The following FGF12 variants were observed in gnomAD, a reference collection of about 807,000 sequenced individuals.
The protein encoded by FGF12 is fibroblast growth factor 12, also known as fibroblast growth factor 12B.
Under a neutral mutation model 23.6 loss-of-function variants are expected in FGF12, and 14 were observed. That is an observed-to-expected ratio of 0.59 (90% confidence interval 0.39 to 0.93). The LOEUF is 0.93. Among genes scored for constraint, FGF12 ranks in the 40% least tolerant of loss-of-function variants. The pLI is 0.00. For missense variants in FGF12, 175 were observed against 217.8 expected, an observed-to-expected ratio of 0.80 and a Z score of 1.24; for synonymous variants, 62 against 77.3, an observed-to-expected ratio of 0.80 and a Z score of 1.04.
At chr3:192,593,401 C>T (rs1329745521) in intron 2 of FGF12, among the ~76,000 whole-genome samples, 2 of 151,860 alleles carry the variant, frequency 1.3e-5, no homozygotes, top group African/African-American at 4.8e-5. Flanking sequence ...CCTCTTCTTC[C>T]CCACAGCACT....
intron 4 of FGF12, among the ~76,000 whole-genome samples, chr3:192,214,190 T>C (rs559284118): frequency 5.3e-4 from 80 of 152,370 alleles, no homozygotes; most frequent in African/African-American, 1.9e-3. Flanking sequence ...TAATTCATTT[T>C]TGTTTATTCT....
intron 2 of FGF12, among the ~76,000 whole-genome samples, chr3:192,485,538 T>G (rs1723609489): frequency 6.6e-6 from 1 of 152,176 alleles, no homozygotes; most frequent in Non-Finnish European, 1.5e-5. Context: ...AATTTATCTG[T>G]TCCCAATTCC....
chr3:192,621,304 C>A (rs1714966326), intron 2 of FGF12, among the ~76,000 whole-genome samples: 2 of 151,934 alleles, frequency 1.3e-5, no homozygotes, highest in African/African-American at 4.8e-5. Context: ...AATTTTTTCC[C>A]ATAGGTAGCA....
chr3:192,160,281 C>T (rs1714793069), intron 5 of FGF12, among the ~76,000 whole-genome samples: 1 of 152,070 alleles, frequency 6.6e-6, no homozygotes, highest in Non-Finnish European at 1.5e-5. Flanking sequence ...TGGTTACAAG[C>T]CCTCAATTTA....
chr3:192,176,428 C>T (rs1169805363), intron 4 of FGF12, among the ~76,000 whole-genome samples: 2 of 152,214 alleles, frequency 1.3e-5, no homozygotes, highest in South Asian at 2.1e-4. Flanking sequence ...ACATAATCCT[C>T]TTCAATGCTT....
chr3:192,217,222 G>C (rs1718236230), intron 4 of FGF12, among the ~76,000 whole-genome samples: 1 of 152,170 alleles, frequency 6.6e-6, no homozygotes, highest in South Asian at 2.1e-4. Context: ...CTTGTTTTGA[G>C]GATAAAACGA....
chr3:192,647,902 A>T (rs1716073725), intron 2 of FGF12, among the ~76,000 whole-genome samples: 2 of 152,008 alleles, frequency 1.3e-5, no homozygotes, highest in South Asian at 4.1e-4. Context: ...ATAGCAGATT[A>T]AAAATATTTA....
intron 2 of FGF12, among the ~76,000 whole-genome samples, chr3:192,620,541 C>G (rs899153356): frequency 6.6e-6 from 1 of 152,172 alleles, no homozygotes; most frequent in African/African-American, 2.4e-5. Flanking sequence ...ATGCCACCAA[C>G]CTGCTGCCCA....
intron 2 of FGF12, among the ~76,000 whole-genome samples, chr3:192,656,040 CAAA>C (rs11292484): frequency 0.094 from 10,037 of 106,564 alleles, 449 homozygotes; most frequent in South Asian, 0.21. Flanking sequence ...GAGGTTCAGG[CAAA>C]AAAAAAAAAA....
chr3:192,387,369 T>C (rs1232252728), intron 2 of FGF12, among the ~76,000 whole-genome samples: 1 of 152,164 alleles, frequency 6.6e-6, no homozygotes, highest in Non-Finnish European at 1.5e-5. Flanking sequence ...AGCCATCTAG[T>C]TATAGAATAG....
intron 2 of FGF12, among the ~76,000 whole-genome samples, chr3:192,670,496 T>C (rs937881430): frequency 6.6e-6 from 1 of 152,132 alleles, no homozygotes; most frequent in Admixed American, 6.6e-5. Flanking sequence ...ACAACAATAG[T>C]ATTTTTGAAA....
At chr3:192,513,927 C>T (rs1724571709) in intron 2 of FGF12, among the ~76,000 whole-genome samples, 1 of 152,130 alleles carries the variant, frequency 6.6e-6, no homozygotes, top group Non-Finnish European at 1.5e-5. Flanking sequence ...ATGGAGGAAA[C>T]GTGGTGAAAC....
chr3:192,306,399 C>T (rs1298000399), intron 4 of FGF12, among the ~76,000 whole-genome samples: 1 of 152,006 alleles, frequency 6.6e-6, no homozygotes, highest in Non-Finnish European at 1.5e-5. Context: ...TGATGGAATA[C>T]TCTGAGAAGG....
At chr3:192,571,527 C>T (rs550543564) in intron 2 of FGF12, among the ~76,000 whole-genome samples, 28 of 152,306 alleles carry the variant, frequency 1.8e-4, no homozygotes, top group African/African-American at 6.5e-4. Context: ...CTGCCCGGGT[C>T]CAGACTTTCC....
At chr3:192,595,301 A>T (rs1398322865) in intron 2 of FGF12, among the ~76,000 whole-genome samples, 1 of 152,212 alleles carries the variant, frequency 6.6e-6, no homozygotes. Context: ...CCTGCTTCAC[A>T]TTCCTAAATG....
intron 5 of FGF12, among the ~76,000 whole-genome samples, chr3:192,161,502 A>G (rs917290303): frequency 2.8e-5 from 2 of 71,666 alleles, no homozygotes; most frequent in Non-Finnish European, 5.9e-5. Flanking sequence ...GACAACGCCT[A>G]TTTACACACA....
intron 2 of FGF12, among the ~76,000 whole-genome samples, chr3:192,625,384 T>G (rs1163637234): frequency 6.6e-6 from 1 of 152,188 alleles, no homozygotes; most frequent in Non-Finnish European, 1.5e-5. Flanking sequence ...GGTATATTGA[T>G]GTTTAATTTT....
At chr3:192,341,772 G>A (rs768790427) in intron 3 of FGF12, among the ~76,000 whole-genome samples, 4 of 151,994 alleles carry the variant, frequency 2.6e-5, no homozygotes, top group African/African-American at 7.2e-5. Context: ...TTTGATATGC[G>A]AAATGTCATT....
chr3:192,407,295 T>C (rs963707026), intron 2 of FGF12, among the ~76,000 whole-genome samples: 6 of 152,212 alleles, frequency 3.9e-5, no homozygotes, highest in African/African-American at 1.4e-4. Flanking sequence ...ACTGTCTTGT[T>C]CCCTCAATGT....
Sources: gnomAD v4.1 joint callset for allele counts (sites outside exome capture counted in the v4.1 genomes callset) on GRCh38, gnomAD v4.1.1 for gene constraint, MANE v1.5 for transcripts, NCBI Gene and HGNC (gene_info 2026-07-23, HGNC 2026-07-21) for gene names.